The following CACHD1 variants were observed in gnomAD, a reference collection of about 807,000 sequenced individuals.
The protein encoded by CACHD1 is cache domain containing 1, also known as VWFA and cache domain-containing protein 1.
Under a neutral mutation model 138.7 loss-of-function variants are expected in CACHD1, and 71 were observed. That is an observed-to-expected ratio of 0.51 (90% CI 0.42 to 0.62). CACHD1 has a LOEUF of 0.62. CACHD1 is among the 20% of genes least tolerant of loss of function. CACHD1 has a pLI of 0.00. For missense variants in CACHD1, 1,389 were observed against 1,625.3 expected, an observed-to-expected ratio of 0.85 and a Z score of 2.50; for synonymous variants, 578 against 591.5, an observed-to-expected ratio of 0.98 and a Z score of 0.33.
intron 1 of CACHD1, among the ~76,000 whole-genome samples, chr1:64,541,179 T>C (rs537887620): frequency 6.6e-6 from 1 of 152,334 alleles, no homozygotes; most frequent in African/African-American, 2.4e-5. Flanking sequence ...AAAATAATGA[T>C]CTGTATAATG....
intron 2 of CACHD1, among the ~76,000 whole-genome samples, chr1:64,559,215 G>A (rs1646820819): frequency 6.6e-6 from 1 of 152,182 alleles, no homozygotes; most frequent in African/African-American, 2.4e-5. Context: ...TTGCCACACT[G>A]TTCACGATAG....
intron 14 of CACHD1, chr1:64,664,152 G>A (rs1341975823): frequency 2.2e-6 from 1 of 454,212 alleles, no homozygotes; most frequent in Non-Finnish European, 3.9e-6. Flanking sequence ...GAAGTAAAGT[G>A]CCCCTGCTGT....
chr1:64,634,290 G>A, intron 7 of CACHD1, 30 bp downstream of exon 7: 1 of 1,543,804 alleles, frequency 6.5e-7, no homozygotes, highest in Non-Finnish European at 9.0e-7. Flanking sequence ...GGACTTAGAG[G>A]CATAGTAGAT....
At chr1:64,594,617 C>T (rs547377632) in intron 3 of CACHD1, among the ~76,000 whole-genome samples, 38 of 152,292 alleles carry the variant, frequency 2.5e-4, no homozygotes, top group African/African-American at 2.4e-4. Flanking sequence ...TAGCTTCCTG[C>T]GTTTTTCGTG....
intron 4 of CACHD1, among the ~76,000 whole-genome samples, chr1:64,609,152 A>G (rs1213521529): frequency 6.6e-6 from 1 of 152,206 alleles, no homozygotes; most frequent in Non-Finnish European, 1.5e-5. Flanking sequence ...AATGATAATG[A>G]GTAGCTATGT....
At chr1:64,557,401 G>A (rs12090428) in intron 2 of CACHD1, among the ~76,000 whole-genome samples, 7,065 of 152,110 alleles carry the variant, frequency 0.046, 276 homozygotes, top group South Asian at 0.2. Flanking sequence ...CAATGAAATT[G>A]CAAACATATT....
intron 23 of CACHD1, 94 bp downstream of exon 23, chr1:64,678,404 T>TC (rs1275819646): frequency 3.2e-6 from 4 of 1,251,814 alleles, no homozygotes; most frequent in Non-Finnish European, 4.3e-6. Context: ...CTTCCCAACT[T>TC]CCCTGATTCC....
At chr1:64,615,148 C>T (rs1159468166) in intron 4 of CACHD1, among the ~76,000 whole-genome samples, 4 of 152,182 alleles carry the variant, frequency 2.6e-5, no homozygotes, top group Non-Finnish European at 5.9e-5. Context: ...CGCTGCCAGC[C>T]GCCTCTGACA....
At chr1:64,686,090 T>C (rs1650362590) in intron 26 of CACHD1, among the ~76,000 whole-genome samples, 1 of 152,198 alleles carries the variant, frequency 6.6e-6, no homozygotes, top group African/African-American at 2.4e-5. Context: ...GAGTTCACTT[T>C]TATCTGCGAG....
chr1:64,677,033 A>C, intron 22 of CACHD1, 22 bp downstream of exon 22: 2 of 1,551,524 alleles, frequency 1.3e-6, no homozygotes, highest in Non-Finnish European at 1.8e-6. Context: ...CTAGTAAAGA[A>C]TTGAGGTTTT....
Position 64,552,005 on chromosome 1 carries a change from C to T in CACHD1, c.261+1349C>T, listed in dbSNP as rs190415479. Among the ~76,000 whole-genome samples the T allele has an allele frequency of 3.6e-4, 55 of 152,174 alleles. No individual in the cohort carries two copies. In the East Asian group the frequency reaches 7.5e-3, roughly 21 times the overall value. On this transcript the variant is annotated intron_variant, in intron 2 of 26. Coordinates refer to ENST00000651257, the MANE Select transcript of CACHD1 (RefSeq NM_020925.4). ...TTTTTTGTGGGCGAAGATTTCTGAA[C>T]GAAGCATGTTCAAGGAAACTTTCTG...
At chr1:64,641,668 G>T (rs1047084869) in intron 7 of CACHD1, 152 bp from the exon 8 acceptor site, 79 of 517,602 alleles carry the variant, frequency 1.5e-4, no homozygotes, top group African/African-American at 1.4e-3. Flanking sequence ...GAAGCAGGGG[G>T]ATGAAAGCCA....
At chr1:64,658,999 G>T in intron 13 of CACHD1, 126 bp downstream of exon 13, 1 of 797,342 alleles carries the variant, frequency 1.3e-6, no homozygotes, top group Non-Finnish European at 1.9e-6. Context: ...CTGGTTTGGG[G>T]ATACAAATAT....
chr1:64,479,049 C>A (rs1274766822), intron 1 of CACHD1, among the ~76,000 whole-genome samples: 1 of 151,638 alleles, frequency 6.6e-6, no homozygotes, highest in Non-Finnish European at 1.5e-5. Flanking sequence ...GGGCCAAAGG[C>A]CACCAATTTG....
chr1:64,673,128 G>T, intron 17 of CACHD1, 30 bp from the exon 18 acceptor site: 21 of 1,467,366 alleles, frequency 1.4e-5, no homozygotes, highest in East Asian at 4.6e-5. Flanking sequence ...CAGCTGATAT[G>T]AATGAGGGGC....
At chr1:64,638,621 T>C (rs1437309497) in intron 7 of CACHD1, among the ~76,000 whole-genome samples, 1 of 151,928 alleles carries the variant, frequency 6.6e-6, no homozygotes, top group Non-Finnish European at 1.5e-5. Context: ...AGTGGAGATC[T>C]AATGGTATGG....
intron 7 of CACHD1, among the ~76,000 whole-genome samples, chr1:64,635,772 G>C (rs1297984992): frequency 6.6e-6 from 1 of 152,074 alleles, no homozygotes; most frequent in Non-Finnish European, 1.5e-5. Flanking sequence ...CTCATGCTTT[G>C]AAACTACTTG....
chr1:64,676,012 TAATAATAATA>T (rs1649978487), intron 21 of CACHD1, 29 bp downstream of exon 21: 2 of 405,578 alleles, frequency 4.9e-6, no homozygotes, highest in Non-Finnish European at 6.5e-6. Flanking sequence ...ATAATAATAA[TAATAATAATA>T]ATAATAATAA....
intron 7 of CACHD1, among the ~76,000 whole-genome samples, chr1:64,634,995 CAAAAAAAAAAA>C (rs71056059): frequency 7.8e-5 from 5 of 63,874 alleles, no homozygotes; most frequent in African/African-American, 3.5e-4. Flanking sequence ...GACTCTGTCT[CAAAAAAAAAAA>C]AAAAAAAAAA....
Sources: gnomAD v4.1 joint callset for allele counts (sites outside exome capture counted in the v4.1 genomes callset) on GRCh38, gnomAD v4.1.1 for gene constraint, MANE v1.5 for transcripts, NCBI Gene and HGNC (gene_info 2026-07-23, HGNC 2026-07-21) for gene names.